MPDZ: variants seen among roughly 807,000 people sequenced by gnomAD.
The protein encoded by MPDZ is multiple PDZ domain protein.
A neutral mutation model predicts 239.1 loss-of-function variants in MPDZ; 234 were observed. The ratio of observed to expected loss-of-function variants is 0.98; its 90% CI spans 0.88 to 1.09. The LOEUF is 1.09. Ranked by LOEUF, MPDZ falls within the 50% of genes least tolerant of loss-of-function variation. The probability of loss-of-function intolerance (pLI) is 0.00; values close to 1 mark genes in which losing one functional copy is unlikely to be tolerated. For missense variants in MPDZ, 3,175 were observed against 2,510.0 expected (o/e 1.26, Z -5.66); for synonymous variants, 1,048 against 881.3 (o/e 1.19, Z -3.35).
At chr9:13,163,424 T>A (rs1276747531) in intron 22 of MPDZ, among the ~76,000 whole-genome samples, 1 of 152,178 alleles carries the variant, frequency 6.6e-6, no homozygotes, top group African/African-American at 2.4e-5. Flanking sequence ...AAGAAAAGAC[T>A]ACTATTTACA....
At chr9:13,203,540 A>G (rs963074115) in intron 12 of MPDZ, among the ~76,000 whole-genome samples, 7 of 152,170 alleles carry the variant, frequency 4.6e-5, no homozygotes, top group Admixed American at 1.3e-4. Context: ...CTGGAAAGTC[A>G]AATGACTTGT....
At chr9:13,147,028 G>A (rs1223775803) in intron 26 of MPDZ, among the ~76,000 whole-genome samples, 2 of 152,024 alleles carry the variant, frequency 1.3e-5, no homozygotes, top group South Asian at 2.1e-4. Context: ...CAGCAATGAT[G>A]AAATCACTTG....
chr9:13,261,911 G>A (rs1970772941), intron 1 of MPDZ, among the ~76,000 whole-genome samples: 1 of 151,412 alleles, frequency 6.6e-6, no homozygotes, highest in African/African-American at 2.4e-5. Context: ...CAGGCGTAGA[G>A]GCACATGCAT....
intron 10 of MPDZ, among the ~76,000 whole-genome samples, chr9:13,208,925 T>C (rs750853476): frequency 3.9e-5 from 6 of 152,016 alleles, no homozygotes; most frequent in Non-Finnish European, 7.4e-5. Flanking sequence ...TTAGAAAAAC[T>C]AACAAAATAG....
chr9:13,262,474 A>G (rs1014374207), intron 1 of MPDZ, among the ~76,000 whole-genome samples: 1 of 152,050 alleles, frequency 6.6e-6, no homozygotes, highest in African/African-American at 2.4e-5. Context: ...TAAAAATTAA[A>G]AAGAGTTCTC....
chr9:13,133,829 G>C lies in MPDZ; in HGVS notation c.4459C>G (p.Pro1487Ala), dbSNP rs1946366862. ...CCAATTCAAAGCAGATTTACCTTGGGAAGCTCCAGATGTTGCACATTTTTA... is the reference window on the plus strand; with the variant it reads ...CCAATTCAAAGCAGATTTACCTTGGCAAGCTCCAGATGTTGCACATTTTTA... Reference protein sequence around the residue: ...SFKNVQHLELPKDQGGLGIAI... With the variant: ...SFKNVQHLELAKDQGGLGIAI... Residue 1487 changes from proline (P) to alanine (A), a missense_variant, in exon 32 of 47, where the codon CCC becomes GCC. Transcript: ENST00000319217. 6.3e-7 allele frequency: 1 copy of C among 1,594,952 alleles called. No homozygotes were observed. The highest frequency in any genetic ancestry group is 8.6e-7 in the Non-Finnish European group (1 of 1,164,938).
chr9:13,219,840 GGATT>G lies in MPDZ; in HGVS notation c.877-76_877-73del, dbSNP rs1476469936. 4.2e-6 allele frequency: 6 copies of G among 1,441,456 alleles called. No homozygotes were observed. The African/African-American group carries it at 7.1e-5, about 17-fold the overall frequency. The allele number at this position is 1,441,456 out of a possible 1,614,324, so 89.3% of individuals were successfully genotyped here. A position where few individuals can be genotyped will look rare whatever the true frequency, so the allele number is the denominator to read the frequency against. ...CAACAGATAAATCCTAAATGAGAAGGGATTAATTTTAGAAAAGCAATAATATGAG... is the reference window on the plus strand; with the variant it reads ...CAACAGATAAATCCTAAATGAGAAGGAATTTTAGAAAAGCAATAATATGAG... On this transcript the variant is annotated intron_variant, in intron 7 of 46. Transcript: ENST00000319217.
At chr9:13,158,252 T>C in intron 23 of MPDZ, 142 bp from the exon 24 acceptor site, 1 of 638,118 alleles carries the variant, frequency 1.6e-6, no homozygotes, top group Non-Finnish European at 2.7e-6. Flanking sequence ...AAAATATTTT[T>C]ACATCGGGGG....
intron 3 of MPDZ, among the ~76,000 whole-genome samples, chr9:13,243,766 A>T (rs1052476662): frequency 2.0e-5 from 3 of 152,250 alleles, no homozygotes; most frequent in South Asian, 2.1e-4. Flanking sequence ...GTGTGCATAC[A>T]CATTACGCAT....
intron 19 of MPDZ, among the ~76,000 whole-genome samples, chr9:13,179,581 T>A (rs2134326562): frequency 6.6e-6 from 1 of 152,262 alleles, no homozygotes; most frequent in Non-Finnish European, 1.5e-5. Context: ...AAAAGTCTTG[T>A]GGATCTAAAA....
At chr9:13,222,505 C>T in intron 5 of MPDZ, 59 bp from the exon 6 acceptor site, 2 of 1,345,224 alleles carry the variant, frequency 1.5e-6, no homozygotes, top group Admixed American at 1.7e-5. Flanking sequence ...GAAATGACAG[C>T]TTCTTTGGCA....
chr9:13,113,801 A>G (rs1015495716), intron 41 of MPDZ, 130 bp downstream of exon 41: 1 of 697,600 alleles, frequency 1.4e-6, no homozygotes, highest in Non-Finnish European at 2.4e-6. Flanking sequence ...TTTTGCTAAC[A>G]CGTGTTTTTG....
intron 17 of MPDZ, 40 bp from the exon 18 acceptor site, chr9:13,186,426 C>A (rs928786794): frequency 3.7e-6 from 5 of 1,352,494 alleles, no homozygotes; most frequent in South Asian, 1.3e-5. Flanking sequence ...AGAGAGAGAA[C>A]AGCAAAGAAG....
rs1331612193 is a variant in MPDZ, at chr9:13,224,288, C to T, written c.393+86G>A. The T allele has an allele frequency of 4.8e-6, 6 of 1,247,418 alleles. No individual in the cohort carries two copies. The East Asian group carries it at 1.4e-4, about 29-fold the overall frequency. The allele number at this position is 1,247,418 out of a possible 1,614,324, so 77.3% of individuals were successfully genotyped here. ...ATGTTTTCAGATGTTATAAATGTCACTATATTCTTCAAATTATCCATAACT... is the reference window on the plus strand; with the variant it reads ...ATGTTTTCAGATGTTATAAATGTCATTATATTCTTCAAATTATCCATAACT... On this transcript the variant is annotated intron_variant, in intron 4 of 46. Coordinates refer to ENST00000319217, the MANE Select transcript of MPDZ (RefSeq NM_001378778.1).
At chr9:13,171,523 C>T (rs1951780685) in intron 21 of MPDZ, among the ~76,000 whole-genome samples, 1 of 152,092 alleles carries the variant, frequency 6.6e-6, no homozygotes. Context: ...TAAAGACTTC[C>T]TTTCTTTTCC....
intron 1 of MPDZ, among the ~76,000 whole-genome samples, chr9:13,273,919 G>T (rs78237145): frequency 6.6e-6 from 1 of 152,148 alleles, no homozygotes; most frequent in East Asian, 1.9e-4. Context: ...AATGCTATTA[G>T]TATCAACTCA....
chr9:13,274,620 A>C (rs1272755326), intron 1 of MPDZ: 2 of 127,448 alleles, frequency 1.6e-5, no homozygotes, highest in African/African-American at 6.7e-5. Context: ...CCTAAAAAAC[A>C]AAAAAAAAAA....
intron 1 of MPDZ, among the ~76,000 whole-genome samples, chr9:13,266,133 A>G (rs1174820098): frequency 1.3e-5 from 2 of 152,200 alleles, no homozygotes; most frequent in Admixed American, 6.5e-5. Flanking sequence ...ACATAATTAG[A>G]TATTTTTATC....
intron 3 of MPDZ, among the ~76,000 whole-genome samples, chr9:13,245,621 T>C (rs923018796): frequency 1.3e-5 from 2 of 152,174 alleles, no homozygotes; most frequent in Admixed American, 6.5e-5. Context: ...TCCAAAAACA[T>C]GTAAGACATG....
Sources: allele counts gnomAD v4.1 joint callset (sites outside exome capture counted in the v4.1 genomes callset), GRCh38; gene constraint gnomAD v4.1.1; transcripts MANE v1.5; gene names NCBI Gene and HGNC (gene_info 2026-07-23, HGNC 2026-07-21).